ATP2B1: variants seen among roughly 807,000 people sequenced by gnomAD.
ATP2B1 encodes ATPase plasma membrane Ca2+ transporting 1.
A neutral mutation model predicts 124.2 loss-of-function variants in ATP2B1; 14 were observed. The ratio of observed to expected loss-of-function variants is 0.11; its 90% CI spans 0.07 to 0.18. ATP2B1 has a LOEUF of 0.18. ATP2B1 is among the 10% of genes least tolerant of loss of function. ATP2B1 has a pLI of 1.00. For synonymous variants in ATP2B1, 449 were observed against 492.4 expected, an observed-to-expected ratio of 0.91 and a Z score of 1.17; for missense variants, 763 against 1,466.1, an observed-to-expected ratio of 0.52 and a Z score of 7.83.
At position 89,704,767 on chromosome 12, in the gene ATP2B1, A is replaced by C. The variant is rs1593031153; in HGVS notation, c.-222+3829T>G. Among the ~76,000 whole-genome samples the C allele has an allele frequency of 2.0e-5, 3 of 152,318 alleles. No homozygotes were observed. In the South Asian group the frequency reaches 6.2e-4, roughly 32 times the overall value. On this transcript the variant is annotated intron_variant, in intron 1 of 20. Transcript: ENST00000428670. ...ACCTGTGATTTCTGAAGACAGCAAAATTTGAGAGACACTATCTTTGGGCAC... is the reference window on the plus strand; with the variant it reads ...ACCTGTGATTTCTGAAGACAGCAAACTTTGAGAGACACTATCTTTGGGCAC...
chr12:89,705,724 G>A (rs1465342131), intron 1 of ATP2B1, among the ~76,000 whole-genome samples: 16 of 152,074 alleles, frequency 1.1e-4, no homozygotes, highest in Admixed American at 1.0e-3. Context: ...CTCAAATAAT[G>A]TCCTTTATCC....
chr12:89,673,253 G>T (rs975328049), intron 1 of ATP2B1, among the ~76,000 whole-genome samples: 1 of 152,014 alleles, frequency 6.6e-6, no homozygotes, highest in Non-Finnish European at 1.5e-5. Context: ...CCTACAAGAG[G>T]GAAATATTAT....
intron 7 of ATP2B1, among the ~76,000 whole-genome samples, chr12:89,626,950 A>G (rs1242707241): frequency 6.6e-6 from 1 of 152,222 alleles, no homozygotes; most frequent in East Asian, 1.9e-4. Context: ...ATAATTTATG[A>G]CCATAATGTA....
intron 12 of ATP2B1, among the ~76,000 whole-genome samples, chr12:89,612,810 G>T (rs1053192724): frequency 3.3e-5 from 5 of 152,162 alleles, no homozygotes; most frequent in African/African-American, 1.2e-4. Context: ...TGAGCTTCTT[G>T]AAGGTAGGAC....
At chr12:89,646,799 A>G (rs1884514646) in intron 2 of ATP2B1, among the ~76,000 whole-genome samples, 1 of 152,232 alleles carries the variant, frequency 6.6e-6, no homozygotes, top group Non-Finnish European at 1.5e-5. Flanking sequence ...GAAATAAATC[A>G]GTGAAGATGA....
intron 2 of ATP2B1, among the ~76,000 whole-genome samples, chr12:89,652,881 T>G (rs867414057): frequency 6.6e-6 from 1 of 152,262 alleles, no homozygotes. Flanking sequence ...GAGATGCATG[T>G]GCCACCACAG....
In ATP2B1 at chr12:89,603,425, A is replaced by C. The variant is rs1260979182; in HGVS notation, c.2849-171T>G. ...CAACTCTCTTGTTTTATAGGCAAGG[A>C]AACAGAAGCTCCCAAAACTATGGTG... On this transcript the variant is annotated intron_variant, in intron 17 of 20. Transcript: ENST00000428670. This position sits in a 1 kb window ranked among gnomAD's most constrained non-coding sequence, Gnocchi z 4.3. 1.5e-6 allele frequency: 1 copy of C among 668,274 alleles called. No individual in the cohort carries two copies. The highest frequency in any genetic ancestry group is 1.8e-5 in the African/African-American group (1 of 55,200). The allele number at this position is 668,274 out of a possible 1,614,324, so 41.4% of individuals were successfully genotyped here. A position where few individuals can be genotyped will look rare whatever the true frequency, so the allele number is the denominator to read the frequency against.
At chr12:89,663,779 C>A (rs1886981418) in intron 1 of ATP2B1, among the ~76,000 whole-genome samples, 2 of 152,202 alleles carry the variant, frequency 1.3e-5, no homozygotes, top group African/African-American at 2.4e-5. Context: ...ACCTTTGCTA[C>A]TGTTAACCAC....
At chr12:89,648,666 G>C (rs1671866744) in intron 2 of ATP2B1, among the ~76,000 whole-genome samples, 1 of 152,254 alleles carries the variant, frequency 6.6e-6, no homozygotes, top group African/African-American at 2.4e-5. Context: ...ACTTTCTAGA[G>C]AGATTAGCAT....
intron 9 of ATP2B1, among the ~76,000 whole-genome samples, chr12:89,622,421 T>G (rs532788095): frequency 9.2e-5 from 14 of 152,180 alleles, no homozygotes; most frequent in African/African-American, 2.6e-4. Flanking sequence ...TGCATCTCAC[T>G]TCTTTCTCTC....
intron 1 of ATP2B1, among the ~76,000 whole-genome samples, chr12:89,700,153 CA>C (rs1357000664): frequency 2.6e-5 from 4 of 151,948 alleles, no homozygotes; most frequent in African/African-American, 9.7e-5. Flanking sequence ...TGCGCTCGGC[CA>C]AAGACAGGGT....
At chr12:89,671,639 T>G (rs772407595) in intron 1 of ATP2B1, among the ~76,000 whole-genome samples, 4 of 152,148 alleles carry the variant, frequency 2.6e-5, no homozygotes, top group Non-Finnish European at 5.9e-5. Context: ...CCATCACACA[T>G]TCCAAACATA....
At chr12:89,680,371 A>T (rs1230547498) in intron 1 of ATP2B1, among the ~76,000 whole-genome samples, 1 of 152,192 alleles carries the variant, frequency 6.6e-6, no homozygotes, top group Non-Finnish European at 1.5e-5. Context: ...AAGAGAGATG[A>T]ACACAAATCC....
At chr12:89,669,521 C>T (rs1184658970) in intron 1 of ATP2B1, among the ~76,000 whole-genome samples, 1 of 152,162 alleles carries the variant, frequency 6.6e-6, no homozygotes, top group Non-Finnish European at 1.5e-5. Context: ...CCCTGAACAA[C>T]TTACGTAGTG....
rs542617887 is a variant in ATP2B1, at chr12:89,662,300, T to C, written c.-221-6193A>G. ...TCTGAAGTCCTTCAACCATGATAAT[T>C]TACTGTAAACTTAAATATAAGTGCT... On this transcript the variant is annotated intron_variant, in intron 1 of 20. Coordinates refer to ENST00000428670, the MANE Select transcript of ATP2B1 (RefSeq NM_001366521.1). Among the ~76,000 whole-genome samples the C allele has an allele frequency of 3.7e-4, 56 of 152,244 alleles. 1 individual carries two copies. Among genetic ancestry groups the C allele is most frequent in the African/African-American group, 1.3e-3 (54 of 41,552 alleles).
chr12:89,699,750 C>A (rs1891595909), intron 1 of ATP2B1, among the ~76,000 whole-genome samples: 2 of 152,240 alleles, frequency 1.3e-5, no homozygotes, highest in Admixed American at 6.5e-5. Flanking sequence ...GTATTTCTAG[C>A]AAAAGAAATG....
intron 1 of ATP2B1, among the ~76,000 whole-genome samples, chr12:89,702,621 A>G (rs1287775240): frequency 6.6e-6 from 1 of 152,198 alleles, no homozygotes; most frequent in Non-Finnish European, 1.5e-5. Context: ...GAAAACATAA[A>G]TTTGACTCCT....
intron 1 of ATP2B1, among the ~76,000 whole-genome samples, chr12:89,665,400 T>A (rs1185855455): frequency 6.6e-6 from 1 of 152,192 alleles, no homozygotes; most frequent in African/African-American, 2.4e-5. Context: ...TAACAGAGAA[T>A]CTTAGGTACC....
chr12:89,605,053 A>G (rs1002366397), intron 15 of ATP2B1, among the ~76,000 whole-genome samples: 2 of 152,206 alleles, frequency 1.3e-5, no homozygotes, highest in African/African-American at 4.8e-5. Flanking sequence ...CTACAACTAT[A>G]TTAACATAAA....
Sources: gnomAD v4.1 joint callset for allele counts (sites outside exome capture counted in the v4.1 genomes callset) on GRCh38, gnomAD v4.1.1 for gene constraint, Gnocchi (gnomAD v3.1) non-coding constraint, MANE v1.5 for transcripts, NCBI Gene and HGNC (gene_info 2026-07-23, HGNC 2026-07-21) for gene names.